Variants in EIF2S3 observed in about 807,000 individuals in gnomAD.
EIF2S3 encodes the protein eukaryotic translation initiation factor 2 subunit 3.
A neutral mutation model predicts 31.7 loss-of-function variants in EIF2S3; 2 were observed. The observed-to-expected ratio is 0.06, with a 90% CI of 0.03 to 0.20. EIF2S3 has a LOEUF of 0.20. Among genes scored for constraint, EIF2S3 ranks in the 10% least tolerant of loss-of-function variants. EIF2S3 has a pLI of 1.00. For synonymous variants in EIF2S3, 120 were observed against 126.7 expected, an observed-to-expected ratio of 0.95 and a Z score of 0.36; for missense variants, 96 against 359.3, an observed-to-expected ratio of 0.27 and a Z score of 5.92.
At chrX:24,064,168 A>T (rs755523658) in intron 6 of EIF2S3, 33 bp from the exon 7 acceptor site, 1 of 1,097,150 alleles carries the variant, frequency 9.1e-7, no homozygotes, top group African/African-American at 1.9e-5. Flanking sequence ...ATAAAACTGT[A>T]TAATTTTGAT....
intron 5 of EIF2S3, 151 bp from the exon 6 acceptor site, chrX:24,062,265 A>C: frequency 5.7e-5 from 30 of 528,166 alleles, no homozygotes; most frequent in Non-Finnish European, 8.0e-5. Flanking sequence ...CGCAAAAGGA[A>C]ACCCCATGCC....
At chrX:24,056,760 G>A (rs1237604843) in intron 2 of EIF2S3, among the ~76,000 whole-genome samples, 3 of 111,582 alleles carry the variant, frequency 2.7e-5, no homozygotes, top group African/African-American at 6.5e-5. Context: ...TAAGGAGGCC[G>A]AGGTCGGAGG....
Position 24,073,283 on chromosome X carries a change from C to T in EIF2S3, c.1355+20C>T, listed in dbSNP as rs1930699385. On this transcript the variant is annotated intron_variant, in intron 11 of 11. Coordinates refer to ENST00000253039, the MANE Select transcript of EIF2S3 (RefSeq NM_001415.4). ...CTGGCGGTAAGTTTGTTAGTCTTTG[C>T]CACTGTCTAATTAAAAAAAGACACA... The T allele has an allele frequency of 8.3e-7, 1 of 1,206,329 alleles. No individual in the cohort carries two copies. The highest frequency in any genetic ancestry group is 1.8e-5 in the South Asian group (1 of 56,238).
At chrX:24,071,431 C>T (rs1930668975) in intron 9 of EIF2S3, 127 bp from the exon 10 acceptor site, 2 of 643,474 alleles carry the variant, frequency 3.1e-6, no homozygotes, top group Non-Finnish European at 4.6e-6. Context: ...GCTCAGGCAT[C>T]CACCTGCCTC....
At chrX:24,066,134 T>TC (rs199563009) in intron 8 of EIF2S3, 42 bp downstream of exon 8, 1 of 961,942 alleles carries the variant, frequency 1.0e-6, no homozygotes, top group Non-Finnish European at 1.4e-6. Context: ...GTTTTTTTTT[T>TC]TTGTTGTTTG....
At chrX:24,073,367 T>TAATAAA in intron 11 of EIF2S3, 104 bp downstream of exon 11, 2 of 1,012,091 alleles carry the variant, frequency 2.0e-6, no homozygotes. Flanking sequence ...ACTGTGGCTT[T>TAATAAA]CAGTCTCAAC....
chrX:24,076,169 C>T (rs1478001426), intron 11 of EIF2S3, among the ~76,000 whole-genome samples: 2 of 111,915 alleles, frequency 1.8e-5, no homozygotes, highest in African/African-American at 6.5e-5. Flanking sequence ...ATTTTACTGT[C>T]TTTTGTGATT....
Position 24,078,781 on chromosome X carries a change from C to T in EIF2S3, c.*1996C>T, listed in dbSNP as rs1930796488. On this transcript the variant is annotated 3_prime_UTR_variant, in exon 12 of 12. Coordinates refer to ENST00000253039, the MANE Select transcript of EIF2S3 (RefSeq NM_001415.4). ...GAAGGTTGTGTTGTAGCATGAGGAA[C>T]ACAAATAAAACAATTCTAAATCAAA... is the stretch of plus-strand genomic sequence containing the variant. Among the ~76,000 whole-genome samples the T allele has an allele frequency of 8.9e-6, 1 of 112,005 alleles. No individual in the cohort carries two copies. Among genetic ancestry groups the T allele is most frequent in the Non-Finnish European group, 1.9e-5 (1 of 53,271 alleles).
chrX:24,059,992 A>T, intron 4 of EIF2S3, 96 bp from the exon 5 acceptor site: 1 of 658,583 alleles, frequency 1.5e-6, no homozygotes, highest in East Asian at 3.4e-5. Flanking sequence ...TAGCAATAAG[A>T]TTATTTCCTA....
chrX:24,071,436 T>G, intron 9 of EIF2S3, 122 bp from the exon 10 acceptor site: 2 of 699,116 alleles, frequency 2.9e-6, no homozygotes, highest in East Asian at 7.0e-5. Context: ...GGCATCCACC[T>G]GCCTCGGCCT....
chrX:24,077,739 TC>T lies in EIF2S3; in HGVS notation c.*957del, dbSNP rs886403120. The T allele has an allele frequency of 8.9e-6, 1 of 112,023 alleles. No homozygotes were observed. The highest frequency in any genetic ancestry group is 1.9e-5 in the Non-Finnish European group (1 of 53,266). The allele number at this position is 112,023 out of a possible 1,213,427, so 9.2% of individuals were successfully genotyped here. ...ACCAGAGTCAAAAGTTATCTCCCTC[TC>T]CCTGTGATGCCTTGAGATTTTTTTC... On this transcript the variant is annotated 3_prime_UTR_variant, in exon 12 of 12. Coordinates refer to ENST00000253039, the MANE Select transcript of EIF2S3 (RefSeq NM_001415.4).
chrX:24,060,313 C>A, intron 5 of EIF2S3, 131 bp downstream of exon 5: 1 of 523,026 alleles, frequency 1.9e-6, no homozygotes, highest in Non-Finnish European at 3.2e-6. Context: ...ACTAACATGT[C>A]ATCCAGGATG....
In EIF2S3 at chrX:24,064,364, T is replaced by C. The variant is rs760397776; in HGVS notation, c.772+29T>C. ...AGTGATAGGATTTGCCTTTAACTCT[T>C]AATCTGATCTTTTCCACATTGGTGA... On this transcript the variant is annotated intron_variant, in intron 7 of 11. Coordinates refer to ENST00000253039, the MANE Select transcript of EIF2S3 (RefSeq NM_001415.4). 4.5e-6 allele frequency: 5 copies of C among 1,122,388 alleles called. No individual in the cohort carries two copies. The African/African-American group carries it at 7.4e-5, about 17-fold the overall frequency. The allele number at this position is 1,122,388 out of a possible 1,213,427, so 92.5% of individuals were successfully genotyped here.
Position 24,064,247 on chromosome X carries a change from G to A in EIF2S3, c.684G>A (p.Leu228=). 8.3e-7 allele frequency: 1 copy of A among 1,198,948 alleles called. No individual in the cohort carries two copies. Among genetic ancestry groups the A allele is most frequent in the South Asian group, 1.9e-5 (1 of 53,928 alleles). ...CCATTATTCCAATTTCAGCTCAGCT[G>A]AAATACAATATTGAAGTTGTTTGTG... is the stretch of plus-strand genomic sequence containing the variant. ...GAPIIPISAQ[L]KYNIEVVCEY... Residue 228 remains leucine, a synonymous_variant, in exon 7 of 12, where the codon CTG becomes CTA. Transcript: ENST00000253039.
intron 9 of EIF2S3, among the ~76,000 whole-genome samples, chrX:24,071,191 T>G (rs1317256893): frequency 9.2e-6 from 1 of 109,127 alleles, no homozygotes; most frequent in African/African-American, 3.4e-5. Flanking sequence ...GGTATCTAAT[T>G]CACTTTTTTT....
chrX:24,055,884 A>G (rs931061958), intron 2 of EIF2S3, among the ~76,000 whole-genome samples: 1 of 112,123 alleles, frequency 8.9e-6, no homozygotes, highest in Non-Finnish European at 1.9e-5. Flanking sequence ...GGTAAGAAGA[A>G]AAAATGGAGA....
At chrX:24,066,835 C>T (rs1165822351) in intron 8 of EIF2S3, among the ~76,000 whole-genome samples, 1 of 112,069 alleles carries the variant, frequency 8.9e-6, no homozygotes, top group African/African-American at 3.2e-5. Flanking sequence ...TTTTCTTTAT[C>T]CATTCATCTG....
intron 11 of EIF2S3, among the ~76,000 whole-genome samples, chrX:24,073,755 C>T (rs772732056): frequency 5.3e-5 from 6 of 112,220 alleles, no homozygotes; most frequent in African/African-American, 1.9e-4. Context: ...ATTGGCTTCT[C>T]TTCCTGTTAG....
chrX:24,070,685 C>T (rs1041561276), intron 9 of EIF2S3, among the ~76,000 whole-genome samples: 1 of 110,851 alleles, frequency 9.0e-6, no homozygotes, highest in Admixed American at 9.6e-5. Flanking sequence ...AATCCTCCAA[C>T]TTGGGCCTCC....
Sources: allele counts gnomAD v4.1 joint callset (sites outside exome capture counted in the v4.1 genomes callset), GRCh38; gene constraint gnomAD v4.1.1; transcripts MANE v1.5; gene names NCBI Gene and HGNC (gene_info 2026-07-23, HGNC 2026-07-21).